Variants in TAF5L observed in about 807,000 individuals in gnomAD.
TAF5L encodes the protein TAF5-like RNA polymerase II p300/CBP-associated factor-associated factor 65 kDa subunit 5L.
In TAF5L, 7 loss-of-function variants were observed where a neutral mutation model predicts 51.3. That is an observed-to-expected ratio of 0.14 (90% CI 0.08 to 0.26). TAF5L has a LOEUF of 0.26. Among genes scored for constraint, TAF5L ranks in the 10% least tolerant of loss-of-function variants. TAF5L has a pLI of 1.00. For synonymous variants in TAF5L, 291 were observed against 308.1 expected (o/e 0.94, Z 0.58); for missense variants, 575 against 758.9 (o/e 0.76, Z 2.85).
Position 229,602,054 on chromosome 1 carries a change from C to T in TAF5L, c.972+141G>A. 2.7e-6 allele frequency: 4 copies of T among 1,484,754 alleles called. No individual in the cohort carries two copies. The highest frequency in any genetic ancestry group is 3.6e-6 in the Non-Finnish European group (4 of 1,119,150). The allele number at this position is 1,484,754 out of a possible 1,614,324, so 92.0% of individuals were successfully genotyped here. A position where few individuals can be genotyped will look rare whatever the true frequency, so the allele number is the denominator to read the frequency against. On this transcript the variant is annotated intron_variant, in intron 4 of 4. Transcript: ENST00000258281. The surrounding 1 kb of genome is among the most constrained non-coding windows in gnomAD (Gnocchi z 4.6). ...GGCATGTGCAGGAATTCAATGGCTACAGGTAACATGTCATTAGTCTGGCTT... is the reference window on the plus strand; with the variant it reads ...GGCATGTGCAGGAATTCAATGGCTATAGGTAACATGTCATTAGTCTGGCTT...
chr1:229,607,066 G>T, intron 3 of TAF5L: 9 of 985,034 alleles, frequency 9.1e-6, no homozygotes, highest in Non-Finnish European at 8.4e-6. Flanking sequence ...CCCACTGCAA[G>T]CTATGCAGTA....
chr1:229,625,601 T>C lies in TAF5L; in HGVS notation c.-4+284A>G, dbSNP rs2102772253. On this transcript the variant is annotated intron_variant, in intron 1 of 4. Transcript: ENST00000258281. The surrounding 1 kb of genome is among the most constrained non-coding windows in gnomAD (Gnocchi z 4.0). ...GCATCCAACCCGCAGGACCCACCCC[T>C]GCGCAGGAACGCGACGCCAGTCCAG... 6.6e-6 allele frequency among the ~76,000 whole-genome samples: 1 copy of C among 150,724 alleles called. No individual in the cohort carries two copies. The highest frequency in any genetic ancestry group is 2.0e-4 in the East Asian group (1 of 5,050).
rs1168197999 is a variant in TAF5L, at chr1:229,625,641, T to C, written c.-4+244A>G. ...CGCCAGTCCAGGTGTAGCCGCCGAC[T>C]GCAGGCCACGCCGCCGGCCGCAGCC... On this transcript the variant is annotated intron_variant, in intron 1 of 4. Coordinates refer to ENST00000258281, the Ensembl canonical transcript of TAF5L. This position sits in a 1 kb window ranked among gnomAD's most constrained non-coding sequence, Gnocchi z 4.0. Among the ~76,000 whole-genome samples the C allele has an allele frequency of 3.3e-5, 5 of 150,920 alleles. No homozygotes were observed. The highest frequency in any genetic ancestry group is 3.3e-4 in the Admixed American group (5 of 15,172).
intron 3 of TAF5L, among the ~76,000 whole-genome samples, chr1:229,608,838 A>G (rs1049692660): frequency 1.3e-4 from 19 of 152,000 alleles, no homozygotes; most frequent in African/African-American, 4.1e-4. Context: ...CTGTCTCTAC[A>G]AAAAAATTTA....
At chr1:229,610,272 C>T (rs2273573) in intron 2 of TAF5L, 62 bp from the exon 3 acceptor site, 799,577 of 1,506,968 alleles carry the variant, frequency 0.53, 214,571 homozygotes, top group East Asian at 0.8. Flanking sequence ...TAACCCAGTA[C>T]GTGGCAGGAT....
At chr1:229,608,658 C>T (rs1207637344) in intron 3 of TAF5L, among the ~76,000 whole-genome samples, 4 of 152,082 alleles carry the variant, frequency 2.6e-5, no homozygotes, top group African/African-American at 7.2e-5. Context: ...TTAATCTCTC[C>T]ATGACAGATT....
chr1:229,606,786 C>G, intron 3 of TAF5L: 2 of 985,412 alleles, frequency 2.0e-6, no homozygotes, highest in Non-Finnish European at 2.4e-6. Context: ...GGTTGCTTGA[C>G]TCCAAAGGCT....
chr1:229,601,265 TA>T (rs1664363123), intron 4 of TAF5L: 1 of 985,294 alleles, frequency 1.0e-6, no homozygotes, highest in Non-Finnish European at 1.2e-6. Flanking sequence ...TCCTTATCAT[TA>T]ACTGTAATTT....
At chr1:229,618,796 G>T (rs1665099466) in intron 1 of TAF5L, among the ~76,000 whole-genome samples, 1 of 152,052 alleles carries the variant, frequency 6.6e-6, no homozygotes, top group Non-Finnish European at 1.5e-5. Context: ...CGGTAGAGGA[G>T]GGCTGGGAGG....
At chr1:229,620,003 G>A (rs947148967) in intron 1 of TAF5L, among the ~76,000 whole-genome samples, 1 of 151,968 alleles carries the variant, frequency 6.6e-6, no homozygotes, top group Admixed American at 6.6e-5. Flanking sequence ...GCTTAATGGT[G>A]CCACTATCCA....
chr1:229,621,258 C>T (rs758518310), intron 1 of TAF5L, among the ~76,000 whole-genome samples: 2 of 152,212 alleles, frequency 1.3e-5, no homozygotes, highest in Non-Finnish European at 2.9e-5. Flanking sequence ...ACTAATGCAT[C>T]AGCATCTTGG....
intron 3 of TAF5L, among the ~76,000 whole-genome samples, chr1:229,609,044 T>C (rs1664700337): frequency 6.6e-6 from 1 of 152,194 alleles, no homozygotes; most frequent in African/African-American, 2.4e-5. Context: ...TCTTTGAGCC[T>C]GTCTCCTTCA....
chr1:229,601,493 G>A, intron 4 of TAF5L: 3 of 985,304 alleles, frequency 3.0e-6, no homozygotes, highest in Non-Finnish European at 3.6e-6. Context: ...AGTGATTTTT[G>A]GTGACCTGAA....
chr1:229,620,883 T>C (rs1665174384), intron 1 of TAF5L, among the ~76,000 whole-genome samples: 1 of 152,186 alleles, frequency 6.6e-6, no homozygotes, highest in Non-Finnish European at 1.5e-5. Flanking sequence ...CGTTTTCCCA[T>C]GCTTATCACT....
intron 1 of TAF5L, among the ~76,000 whole-genome samples, chr1:229,617,538 T>C (rs973964724): frequency 6.6e-6 from 1 of 152,188 alleles, no homozygotes; most frequent in African/African-American, 2.4e-5. Context: ...TTGATGCACA[T>C]CCGTGAGCAT....
At chr1:229,609,432 A>G (rs1409596159) in intron 3 of TAF5L, among the ~76,000 whole-genome samples, 1 of 152,212 alleles carries the variant, frequency 6.6e-6, no homozygotes, top group Admixed American at 6.5e-5. Context: ...GTTGATTGCT[A>G]AAGTGAGTTA....
Position 229,625,443 on chromosome 1 carries a change from A to T in TAF5L, c.-4+442T>A, listed in dbSNP as rs1400283739. ...CGCACGATCACCATGTGCAAAGTTG[A>T]ATCCCGACTTCGCCGCAAAGACATT... On this transcript the variant is annotated intron_variant, in intron 1 of 4. Coordinates refer to ENST00000258281, the Ensembl canonical transcript of TAF5L. This position sits in a 1 kb window ranked among gnomAD's most constrained non-coding sequence, Gnocchi z 4.0. Among the ~76,000 whole-genome samples, 1 of 152,160 alleles carries T rather than the reference A, an allele frequency of 6.6e-6. No homozygotes were observed. Among genetic ancestry groups the T allele is most frequent in the Non-Finnish European group, 1.5e-5 (1 of 68,028 alleles).
intron 3 of TAF5L, chr1:229,607,209 T>C (rs1174129437): frequency 1.4e-5 from 14 of 985,310 alleles, no homozygotes; most frequent in Non-Finnish European, 1.6e-5. Flanking sequence ...CTCCTGAGCC[T>C]TGGAGATTCC....
chr1:229,620,900 G>C (rs1443307557), intron 1 of TAF5L, among the ~76,000 whole-genome samples: 1 of 152,090 alleles, frequency 6.6e-6, no homozygotes, highest in East Asian at 1.9e-4. Context: ...CACTGTTCCT[G>C]AAACTGAATT....
Sources: allele counts gnomAD v4.1 joint callset (sites outside exome capture counted in the v4.1 genomes callset), GRCh38; gene constraint gnomAD v4.1.1; non-coding constraint Gnocchi (gnomAD v3.1); transcripts MANE v1.5; gene names NCBI Gene and HGNC (gene_info 2026-07-23, HGNC 2026-07-21).